The following ASIC2 variants were observed in gnomAD, a reference collection of about 807,000 sequenced individuals.
The protein encoded by ASIC2 is acid-sensing ion channel 2.
ASIC2 carries 25 observed loss-of-function variants against 57.3 expected under a neutral mutation model. That is an observed-to-expected ratio of 0.44 (90% CI 0.32 to 0.61). ASIC2 has a LOEUF of 0.61. Among genes scored for constraint, ASIC2 ranks in the 20% least tolerant of loss-of-function variants. ASIC2 has a pLI of 0.06. For synonymous variants in ASIC2, 319 were observed against 307.5 expected (o/e 1.04, Z -0.39); for missense variants, 641 against 738.1 (o/e 0.87, Z 1.52).
intron 1 of ASIC2, chr17:34,070,174 C>G (rs1909344383): frequency 6.6e-6 from 1 of 152,098 alleles, no homozygotes; most frequent in Non-Finnish European, 1.5e-5. Context: ...TTCACAATCT[C>G]TAAGTTAAGC....
At chr17:33,612,251 T>C (rs538820272) in intron 1 of ASIC2, among the ~76,000 whole-genome samples, 4 of 152,286 alleles carry the variant, frequency 2.6e-5, no homozygotes, top group Admixed American at 6.5e-5. Context: ...TTTGACCAAA[T>C]ATCTGAGCAC....
intron 7 of ASIC2, among the ~76,000 whole-genome samples, chr17:33,020,448 A>G (rs146818199): frequency 6.6e-6 from 1 of 152,238 alleles, no homozygotes; most frequent in Non-Finnish European, 1.5e-5. Flanking sequence ...GACAACAGCT[A>G]TTTCTCTTTC....
chr17:33,908,123 T>C (rs2141957426), intron 1 of ASIC2, among the ~76,000 whole-genome samples: 1 of 152,262 alleles, frequency 6.6e-6, no homozygotes, highest in African/African-American at 2.4e-5. Flanking sequence ...TTTCCATCAT[T>C]CTCTGCCCTG....
chr17:33,982,413 G>A (rs772152004), intron 1 of ASIC2, among the ~76,000 whole-genome samples: 5 of 152,188 alleles, frequency 3.3e-5, no homozygotes, highest in African/African-American at 1.2e-4. Context: ...TTATGCTGGT[G>A]GGCCTGGCCA....
At chr17:33,155,646 G>A (rs796130836) in intron 1 of ASIC2, among the ~76,000 whole-genome samples, 8 of 147,528 alleles carry the variant, frequency 5.4e-5, no homozygotes, top group African/African-American at 2.0e-4. Flanking sequence ...TGCAACCTCA[G>A]CCTCCCGGGT....
At chr17:33,696,493 C>A (rs554157953) in intron 1 of ASIC2, among the ~76,000 whole-genome samples, 2 of 152,314 alleles carry the variant, frequency 1.3e-5, no homozygotes, top group East Asian at 3.9e-4. Context: ...AGGTAACATA[C>A]AACAAAGAAG....
At chr17:33,655,033 A>T (rs1002590762) in intron 1 of ASIC2, among the ~76,000 whole-genome samples, 1 of 152,194 alleles carries the variant, frequency 6.6e-6, no homozygotes, top group Non-Finnish European at 1.5e-5. Flanking sequence ...CAGTGTCTTG[A>T]CTGGCTCTTC....
intron 2 of ASIC2, among the ~76,000 whole-genome samples, chr17:33,091,324 G>C (rs1322515452): frequency 6.6e-6 from 1 of 152,180 alleles, no homozygotes; most frequent in Non-Finnish European, 1.5e-5. Context: ...GGGGAAGAAG[G>C]GTGAGTGTGG....
intron 1 of ASIC2, among the ~76,000 whole-genome samples, chr17:33,633,017 G>T (rs2142028245): frequency 6.6e-6 from 1 of 152,290 alleles, no homozygotes; most frequent in East Asian, 1.9e-4. Context: ...TTTGCTCCCT[G>T]CTGGCTTCTC....
intron 1 of ASIC2, among the ~76,000 whole-genome samples, chr17:33,999,423 G>A (rs976774597): frequency 1.3e-5 from 2 of 152,050 alleles, no homozygotes; most frequent in African/African-American, 2.4e-5. Flanking sequence ...TGATTGTTTT[G>A]TAGTTTCTTT....
chr17:33,658,265 G>A (rs551278777), intron 1 of ASIC2, among the ~76,000 whole-genome samples: 2 of 152,328 alleles, frequency 1.3e-5, no homozygotes, highest in African/African-American at 2.4e-5. Flanking sequence ...TCAGAAGGCC[G>A]GATGATCTTG....
intron 1 of ASIC2, among the ~76,000 whole-genome samples, chr17:33,239,720 G>A (rs1350661540): frequency 2.6e-5 from 4 of 152,220 alleles, no homozygotes; most frequent in Non-Finnish European, 5.9e-5. Context: ...AAGGTTTGCT[G>A]AGATCTGGGG....
chr17:33,451,767 C>T (rs1175752382), intron 1 of ASIC2, among the ~76,000 whole-genome samples: 1 of 152,298 alleles, frequency 6.6e-6, no homozygotes, highest in East Asian at 1.9e-4. Flanking sequence ...GGCTTCTCTC[C>T]TTAGTCTCTT....
chr17:33,865,449 A>G (rs1196062393), intron 1 of ASIC2, among the ~76,000 whole-genome samples: 1 of 152,204 alleles, frequency 6.6e-6, no homozygotes, highest in Non-Finnish European at 1.5e-5. Context: ...TGTACCTGCC[A>G]GGTACAGCCA....
At chr17:33,579,729 T>C (rs1020766812) in intron 1 of ASIC2, among the ~76,000 whole-genome samples, 5 of 152,150 alleles carry the variant, frequency 3.3e-5, no homozygotes, top group East Asian at 3.9e-4. Flanking sequence ...TTAAAAGTAG[T>C]GCGGACCCAA....
chr17:33,401,942 C>T (rs912374714), intron 1 of ASIC2, among the ~76,000 whole-genome samples: 1 of 152,186 alleles, frequency 6.6e-6, no homozygotes, highest in Non-Finnish European at 1.5e-5. Flanking sequence ...TTAAATGACA[C>T]GAATGACCCA....
chr17:33,762,967 A>G (rs1389970725), intron 1 of ASIC2, among the ~76,000 whole-genome samples: 1 of 152,172 alleles, frequency 6.6e-6, no homozygotes, highest in African/African-American at 2.4e-5. Flanking sequence ...CTGGTAGAGT[A>G]GGCCCCATCT....
At chr17:33,904,778 G>T (rs1359287537) in intron 1 of ASIC2, among the ~76,000 whole-genome samples, 1 of 152,220 alleles carries the variant, frequency 6.6e-6, no homozygotes, top group African/African-American at 2.4e-5. Flanking sequence ...TTTAGGCTCA[G>T]TTACTTCTGT....
intron 1 of ASIC2, among the ~76,000 whole-genome samples, chr17:33,983,888 C>A (rs1905716665): frequency 6.6e-6 from 1 of 152,130 alleles, no homozygotes; most frequent in South Asian, 2.1e-4. Flanking sequence ...TACTCCCACC[C>A]ACAGCAAAGA....
Sources: allele counts gnomAD v4.1 joint callset (sites outside exome capture counted in the v4.1 genomes callset), GRCh38; gene constraint gnomAD v4.1.1; transcripts MANE v1.5; gene names NCBI Gene and HGNC (gene_info 2026-07-23, HGNC 2026-07-21).